Variants in LAMA4 observed in about 807,000 individuals in gnomAD.
The protein encoded by LAMA4 is laminin subunit alpha 4.
Under a neutral mutation model 207.1 loss-of-function variants are expected in LAMA4, and 127 were observed. The observed-to-expected ratio is 0.61, with a 90% CI of 0.53 to 0.71. The LOEUF (loss-of-function observed/expected upper bound fraction) is 0.71. Among genes scored for constraint, LAMA4 ranks in the 30% least tolerant of loss-of-function variants. The pLI is 0.00. For missense variants in LAMA4, 2,093 were observed against 2,246.5 expected (o/e 0.93, Z 1.38); for synonymous variants, 761 against 816.0 (o/e 0.93, Z 1.15).
rs1787673260 is a variant in LAMA4 at position 112,254,042 on chromosome 6, C to T, written c.109G>A (p.Glu37Lys). 4 of 1,600,586 alleles carry T rather than the reference C, an allele frequency of 2.5e-6. No individual in the cohort carries two copies. Among genetic ancestry groups the T allele is most frequent in the Non-Finnish European group, 2.6e-6 (3 of 1,173,522 alleles). ...TGCCTGCCAACCGCTGAGCTCCCTTCAATGTCAAAAGGAAAAGCGTTGTCG... is the reference window on the plus strand; with the variant it reads ...TGCCTGCCAACCGCTGAGCTCCCTTTAATGTCAAAAGGAAAAGCGTTGTCG... ...GDDNAFPFDI[E>K]GSSAVGRQDP... Residue 37 changes from glutamate to lysine, a missense_variant, in exon 2 of 39, where the codon GAA becomes AAA. By Grantham distance (56) the Glu-to-Lys change is moderately conservative. Transcript: ENST00000230538.
intron 29 of LAMA4, 190 bp from the exon 30 acceptor site, chr6:112,130,230 C>A: frequency 1.7e-6 from 1 of 589,726 alleles, no homozygotes; most frequent in Non-Finnish European, 3.0e-6. Context: ...CAAAAAAGAT[C>A]CTCCAAACCA....
At chr6:112,234,725 GA>G (rs782210747) in intron 2 of LAMA4, 4 of 152,034 alleles carry the variant, frequency 2.6e-5, no homozygotes, top group African/African-American at 9.7e-5. Flanking sequence ...AATGTGCTAA[GA>G]AAAAAATAAC....
At chr6:112,170,130 C>T (rs556804805) in intron 12 of LAMA4, among the ~76,000 whole-genome samples, 60 of 152,224 alleles carry the variant, frequency 3.9e-4, no homozygotes, top group Non-Finnish European at 6.9e-4. Context: ...ATGTAGAAGA[C>T]AAAGCACTTG....
chr6:112,178,180 G>C lies in LAMA4; in HGVS notation c.1130C>G (p.Thr377Ser). The C allele has an allele frequency of 6.2e-7, 1 of 1,613,930 alleles. No homozygotes were observed. Among genetic ancestry groups the C allele is most frequent in the Non-Finnish European group, 8.5e-7 (1 of 1,179,876 alleles). Residue 377 changes from threonine (T) to serine (S), a missense_variant, in exon 10 of 39, where the codon ACC becomes AGC. Physicochemically the swap from Thr to Ser is moderately conservative, Grantham distance 58 (BLOSUM62 1). Transcript: ENST00000230538. ...TACCAGCTGACTTGCGTGGTTAATG[G>C]TGTCCATGCTTTCCTTCTGAACAAG... ...GQLVQKESMDTINHASQLVEQ... is the reference protein window; with the variant it reads ...GQLVQKESMDSINHASQLVEQ...
rs1554354562 is a variant in LAMA4, at chr6:112,207,102, A to G, written c.341T>C (p.Leu114Pro). 6.2e-7 allele frequency: 1 copy of G among 1,614,056 alleles called. No individual in the cohort carries two copies. Reference protein sequence around the residue: ...NTTGEHCEKCLDGYIGDSIRG... With the variant: ...NTTGEHCEKCPDGYIGDSIRG... ...GATGGAATCTCCGATATAACCATCCAGACACTTTTCACAGTGCTCTCCTGT... is the reference window on the plus strand; with the variant it reads ...GATGGAATCTCCGATATAACCATCCGGACACTTTTCACAGTGCTCTCCTGT... Residue 114 changes from leucine to proline, a missense_variant, in exon 4 of 39, where the codon CTG (leucine) becomes CCG (proline). Around this residue, in one of 3 missense-constraint regions of LAMA4, gnomAD observed 1,704 missense variants for 1,788.4 expected, o/e 0.95. Transcript: ENST00000230538.
intron 18 of LAMA4, 124 bp downstream of exon 18, chr6:112,148,033 G>T: frequency 1.2e-6 from 1 of 851,158 alleles, no homozygotes; most frequent in Non-Finnish European, 1.9e-6. Flanking sequence ...CTTTTTCTAA[G>T]CTAACTTCTA....
chr6:112,122,670 G>A (rs73532606), intron 31 of LAMA4, among the ~76,000 whole-genome samples: 9,618 of 152,088 alleles, frequency 0.063, 986 homozygotes, highest in African/African-American at 0.22. Context: ...AATACTTAAG[G>A]ATATTTTTGG....
At chr6:112,166,065 A>G (rs1426940990) in intron 12 of LAMA4, 1 of 152,272 alleles carries the variant, frequency 6.6e-6, no homozygotes, top group Non-Finnish European at 1.5e-5. Flanking sequence ...TAGAAATAGT[A>G]ACAAGTCAGA....
At chr6:112,223,068 C>G (rs73764717) in intron 2 of LAMA4, among the ~76,000 whole-genome samples, 4,284 of 152,240 alleles carry the variant, frequency 0.028, 195 homozygotes, top group African/African-American at 0.096. Context: ...CTCCTGCTAA[C>G]ATCTGGCTTT....
At chr6:112,114,791 T>G in intron 36 of LAMA4, 35 bp from the exon 37 acceptor site, 1 of 1,403,272 alleles carries the variant, frequency 7.1e-7, no homozygotes, top group Non-Finnish European at 1.0e-6. Flanking sequence ...TGATTTAGTT[T>G]GTCCTCATTG....
In LAMA4 at chr6:112,168,497, C is replaced by G. The variant is rs9481228; in HGVS notation, c.1552-3221G>C. Among the ~76,000 whole-genome samples the G allele has an allele frequency of 2.4e-3, 368 of 152,008 alleles. 2 individuals are homozygous for G. The highest frequency in any genetic ancestry group is 7.7e-3 in the African/African-American group (319 of 41,496). ...AGTAGCTGGTATTACAGGTGCCCACCACCATGCCCAGCTAATTTTTGTATT... is the reference window on the plus strand; with the variant it reads ...AGTAGCTGGTATTACAGGTGCCCACGACCATGCCCAGCTAATTTTTGTATT... On this transcript the variant is annotated intron_variant, in intron 12 of 38. Coordinates refer to ENST00000230538, the MANE Select transcript of LAMA4 (RefSeq NM_001105206.3).
intron 30 of LAMA4, among the ~76,000 whole-genome samples, 190 bp from the exon 31 acceptor site, chr6:112,129,265 A>C (rs1778885731): frequency 6.6e-6 from 1 of 151,858 alleles, no homozygotes; most frequent in African/African-American, 2.4e-5. Context: ...TTAACATTCA[A>C]CCTGTTAATA....
chr6:112,117,330 T>C lies in LAMA4; in HGVS notation c.4981+409A>G, dbSNP rs782599822. Among the ~76,000 whole-genome samples, 1 of 152,150 alleles carries C rather than the reference T, an allele frequency of 6.6e-6. No homozygotes were observed. The highest frequency in any genetic ancestry group is 1.5e-5 in the Non-Finnish European group (1 of 68,030). On this transcript the variant is annotated intron_variant, in intron 35 of 38. Transcript: ENST00000230538. This position sits in a 1 kb window ranked among gnomAD's most constrained non-coding sequence, Gnocchi z 4.5. ...GCCAGAAATAAAAATTTCTGAAGGA[T>C]AACGTTGTCTGCTGGTGTTGCAAGT...
chr6:112,141,998 T>G (rs2114706933), intron 20 of LAMA4, 121 bp downstream of exon 20: 1 of 937,196 alleles, frequency 1.1e-6, no homozygotes, highest in Non-Finnish European at 1.7e-6. Flanking sequence ...AAATGAGATC[T>G]TCTGAGTTAC....
intron 4 of LAMA4, among the ~76,000 whole-genome samples, chr6:112,203,675 A>C (rs1256313420): frequency 6.6e-6 from 1 of 152,182 alleles, no homozygotes; most frequent in Non-Finnish European, 1.5e-5. Context: ...GGATTCAAGA[A>C]GTAGAGCTGT....
At chr6:112,121,791 C>T in intron 32 of LAMA4, 1 of 487,968 alleles carries the variant, frequency 2.0e-6, no homozygotes, top group South Asian at 2.1e-5. Context: ...ATACAGTATC[C>T]TGGAAGAATA....
intron 2 of LAMA4, among the ~76,000 whole-genome samples, chr6:112,227,316 G>A (rs527995553): frequency 3.9e-5 from 6 of 151,918 alleles, no homozygotes; most frequent in East Asian, 1.9e-4. Flanking sequence ...TGATCCACCC[G>A]CCTCGGCCTC....
chr6:112,136,084 G>T, intron 25 of LAMA4, 39 bp downstream of exon 25: 2 of 1,590,866 alleles, frequency 1.3e-6, no homozygotes, highest in South Asian at 2.2e-5. Context: ...TAAGTATAAA[G>T]AACAAAAACA....
chr6:112,253,717 A>G (rs939332974), intron 2 of LAMA4: 17 of 1,599,428 alleles, frequency 1.1e-5, no homozygotes, highest in Admixed American at 1.7e-5. Flanking sequence ...GCACCAACAC[A>G]TGCACTCTCA....
Sources: allele counts gnomAD v4.1 joint callset (sites outside exome capture counted in the v4.1 genomes callset), GRCh38; gene constraint gnomAD v4.1.1; regional missense constraint gnomAD v4.1.1; non-coding constraint Gnocchi (gnomAD v3.1); transcripts MANE v1.5; gene names NCBI Gene and HGNC (gene_info 2026-07-23, HGNC 2026-07-21).